Variants in RBFOX1 observed in about 807,000 individuals in gnomAD.
RBFOX1 encodes RNA binding fox-1 homolog 1, also known as RNA binding protein fox-1 homolog 1.
In RBFOX1, 8 loss-of-function variants were observed where a neutral mutation model predicts 57.7. That is an observed-to-expected ratio of 0.14 (90% confidence interval 0.08 to 0.25). The LOEUF is 0.25. Among genes scored for constraint, RBFOX1 ranks in the 10% least tolerant of loss-of-function variants. The pLI is 1.00. For missense variants in RBFOX1, 611 were observed against 548.5 expected (o/e 1.11, Z -1.14); for synonymous variants, 326 against 222.4 (o/e 1.47, Z -4.15).
chr16:6,889,690 G>C (rs2064967616), intron 3 of RBFOX1, among the ~76,000 whole-genome samples: 1 of 152,152 alleles, frequency 6.6e-6, no homozygotes, highest in Admixed American at 6.5e-5. Flanking sequence ...CCTAATGGTT[G>C]TTTAATAAAT....
At chr16:6,457,752 A>G (rs1225940187) in intron 2 of RBFOX1, among the ~76,000 whole-genome samples, 4 of 152,174 alleles carry the variant, frequency 2.6e-5, no homozygotes, top group African/African-American at 7.2e-5. Context: ...GCTGTCCTTC[A>G]TCGTTTGATC....
At chr16:6,265,093 A>G (rs2074307950) in intron 1 of RBFOX1, among the ~76,000 whole-genome samples, 1 of 152,094 alleles carries the variant, frequency 6.6e-6, no homozygotes, top group South Asian at 2.1e-4. Context: ...CCTACAAGCC[A>G]TTCAACAACC....
intron 2 of RBFOX1, among the ~76,000 whole-genome samples, chr16:5,474,387 C>G (rs763850743): frequency 2.6e-4 from 40 of 152,348 alleles, no homozygotes; most frequent in Non-Finnish European, 5.0e-4. Flanking sequence ...GGCGCGATGG[C>G]TCACTCCTGT....
chr16:7,452,894 C>T (rs1205393452), intron 4 of RBFOX1, among the ~76,000 whole-genome samples: 5 of 152,014 alleles, frequency 3.3e-5, no homozygotes, highest in Non-Finnish European at 7.4e-5. Context: ...TTTGGGAGGT[C>T]GTGGTGGGTG....
intron 3 of RBFOX1, among the ~76,000 whole-genome samples, chr16:7,024,171 C>G (rs1224008456): frequency 6.6e-6 from 1 of 152,138 alleles, no homozygotes; most frequent in East Asian, 1.9e-4. Flanking sequence ...ATCTAGTAAT[C>G]ATTTAATAAA....
intron 3 of RBFOX1, among the ~76,000 whole-genome samples, chr16:7,027,014 C>G (rs923493348): frequency 3.3e-5 from 5 of 152,096 alleles, no homozygotes; most frequent in Non-Finnish European, 7.4e-5. Context: ...GTGCTGCAGC[C>G]ACAGCCCACA....
At chr16:6,215,426 G>C (rs548241361) in intron 1 of RBFOX1, among the ~76,000 whole-genome samples, 1 of 148,032 alleles carries the variant, frequency 6.8e-6, no homozygotes, top group Non-Finnish European at 1.5e-5. Flanking sequence ...AGGAGAGGGA[G>C]AGGGACAGGG....
At chr16:7,207,305 G>C (rs1307639008) in intron 4 of RBFOX1, among the ~76,000 whole-genome samples, 1 of 152,124 alleles carries the variant, frequency 6.6e-6, no homozygotes, top group Non-Finnish European at 1.5e-5. Flanking sequence ...AGGTTGGTGA[G>C]TCATGCATGT....
At chr16:5,413,129 C>G (rs746814830) in intron 1 of RBFOX1, among the ~76,000 whole-genome samples, 1 of 152,144 alleles carries the variant, frequency 6.6e-6, no homozygotes, top group Non-Finnish European at 1.5e-5. Flanking sequence ...TATTTCTGGT[C>G]CCTGAGCCTC....
At chr16:6,497,572 A>C (rs923016183) in intron 2 of RBFOX1, among the ~76,000 whole-genome samples, 3 of 151,870 alleles carry the variant, frequency 2.0e-5, no homozygotes, top group Admixed American at 6.6e-5. Flanking sequence ...AAAAAAAAAA[A>C]AAAAACAGAG....
At chr16:7,568,273 A>AG (rs1261026677) in intron 5 of RBFOX1, among the ~76,000 whole-genome samples, 1 of 152,168 alleles carries the variant, frequency 6.6e-6, no homozygotes, top group Non-Finnish European at 1.5e-5. Flanking sequence ...GTATTAAACA[A>AG]GGGGTGGATT....
intron 3 of RBFOX1, among the ~76,000 whole-genome samples, chr16:6,725,628 A>G (rs567708906): frequency 6.6e-6 from 1 of 152,314 alleles, no homozygotes; most frequent in African/African-American, 2.4e-5. Flanking sequence ...ATGCCTATGG[A>G]GTAGTCATTC....
At position 6,629,972 on chromosome 16, in the gene RBFOX1, T is replaced by TA. The variant is rs201365180; in HGVS notation, c.-63-24631_-63-24630insA. Among the ~76,000 whole-genome samples the TA allele has an allele frequency of 1.3e-3, 97 of 75,878 alleles. 1 individual carries two copies. The highest frequency in any genetic ancestry group is 2.6e-3 in the South Asian group (4 of 1,528). The allele number at this position is 75,878 out of a possible 152,430, so 49.8% of individuals were successfully genotyped here. On this transcript the variant is annotated intron_variant, in intron 2 of 15. Coordinates refer to ENST00000550418, the MANE Select transcript of RBFOX1 (RefSeq NM_018723.4). ...TTATTTCGGTAGGTTTTTTTTTTTT[T>TA]TAAAAAAAAAAAAGACCATTGCTTT...
chr16:7,488,531 C>T (rs928532545), intron 4 of RBFOX1, among the ~76,000 whole-genome samples: 1 of 151,746 alleles, frequency 6.6e-6, no homozygotes, highest in African/African-American at 2.4e-5. Context: ...CTACTATCTA[C>T]CTGTCATTCT....
chr16:7,558,531 T>C (rs2089436963), intron 5 of RBFOX1, among the ~76,000 whole-genome samples: 1 of 152,154 alleles, frequency 6.6e-6, no homozygotes, highest in Non-Finnish European at 1.5e-5. Context: ...CATATATTAA[T>C]ATGTATATAC....
At chr16:6,548,238 G>A (rs2096922553) in intron 2 of RBFOX1, among the ~76,000 whole-genome samples, 1 of 151,942 alleles carries the variant, frequency 6.6e-6, no homozygotes, top group South Asian at 2.1e-4. Context: ...CTTTTGTTTT[G>A]TTTTGCTAGA....
intron 4 of RBFOX1, among the ~76,000 whole-genome samples, chr16:7,301,474 G>T (rs1342415176): frequency 1.3e-5 from 2 of 152,192 alleles, no homozygotes; most frequent in African/African-American, 4.8e-5. Flanking sequence ...TGTCAGAGCC[G>T]TTATTGCAAG....
At chr16:6,286,125 C>A (rs1487855001) in intron 1 of RBFOX1, among the ~76,000 whole-genome samples, 1 of 152,208 alleles carries the variant, frequency 6.6e-6, no homozygotes, top group East Asian at 1.9e-4. Context: ...TGTTTCAAAG[C>A]AACGCTTTGA....
intron 2 of RBFOX1, among the ~76,000 whole-genome samples, chr16:6,594,875 G>A (rs1248643940): frequency 6.6e-6 from 1 of 152,092 alleles, no homozygotes; most frequent in Non-Finnish European, 1.5e-5. Context: ...TGTAACCTCC[G>A]CCTCCCGGGT....
Sources: allele counts gnomAD v4.1 joint callset (sites outside exome capture counted in the v4.1 genomes callset), GRCh38; gene constraint gnomAD v4.1.1; transcripts MANE v1.5; gene names NCBI Gene and HGNC (gene_info 2026-07-23, HGNC 2026-07-21).